The following HERC3 variants were observed in gnomAD, a reference collection of about 807,000 sequenced individuals.
The protein encoded by HERC3 is probable E3 ubiquitin-protein ligase HERC3.
Under a neutral mutation model 129.9 loss-of-function variants are expected in HERC3, and 58 were observed. The observed-to-expected ratio is 0.45, with a 90% CI of 0.36 to 0.56. HERC3 has a LOEUF of 0.56. HERC3 is among the 20% of genes least tolerant of loss of function. HERC3 has a pLI of 0.00. For synonymous variants in HERC3, 430 were observed against 451.0 expected, an observed-to-expected ratio of 0.95 and a Z score of 0.59; for missense variants, 835 against 1,244.2, an observed-to-expected ratio of 0.67 and a Z score of 4.95.
At chr4:88,635,901 G>A (rs546612499) in intron 3 of HERC3, among the ~76,000 whole-genome samples, 1 of 152,144 alleles carries the variant, frequency 6.6e-6, no homozygotes, top group Non-Finnish European at 1.5e-5. Flanking sequence ...GCCAAATTAA[G>A]CTTCATAAGC....
intron 23 of HERC3, chr4:88,697,662 A>T (rs752241773): frequency 6.2e-6 from 10 of 1,612,674 alleles, no homozygotes; most frequent in Non-Finnish European, 8.5e-6. Flanking sequence ...CACCCTGCGC[A>T]CCGCCTTCCG....
At chr4:88,577,626 G>GTGTATATATATATATATATATATATATA in the HERC3 span, among the ~76,000 whole-genome samples, 1 of 99,142 alleles carries the variant, frequency 1.0e-5, no homozygotes, top group Admixed American at 8.7e-5. Context: ...TAATAGGTTT[G>GTGTATATATATATATATATATATATATA]TAATACCAAA....
chr4:88,624,882 A>C (rs1158412356), intron 3 of HERC3, among the ~76,000 whole-genome samples: 1 of 152,164 alleles, frequency 6.6e-6, no homozygotes, highest in African/African-American at 2.4e-5. Context: ...TTTTATATGT[A>C]GGTGATATAA....
chr4:88,524,595 T>C, the HERC3 span, among the ~76,000 whole-genome samples: 1 of 152,244 alleles, frequency 6.6e-6, no homozygotes, highest in African/African-American at 2.4e-5. Context: ...TGGATGACTT[T>C]GGCAAATGAC....
chr4:88,625,905 G>T (rs1409109904), intron 3 of HERC3, among the ~76,000 whole-genome samples: 1 of 151,894 alleles, frequency 6.6e-6, no homozygotes, highest in Non-Finnish European at 1.5e-5. Context: ...TGCAGTGATT[G>T]TGTGGCTTTT....
chr4:88,556,440 A>G, the HERC3 span, among the ~76,000 whole-genome samples: 1 of 152,214 alleles, frequency 6.6e-6, no homozygotes, highest in African/African-American at 2.4e-5. Flanking sequence ...GGTTGAAACA[A>G]ACCCATTTAA....
At chr4:88,526,151 G>A in the HERC3 span, among the ~76,000 whole-genome samples, 2 of 152,218 alleles carry the variant, frequency 1.3e-5, no homozygotes, top group African/African-American at 4.8e-5. Context: ...TTATTATGGT[G>A]AAACTAGTAA....
At chr4:88,674,509 A>G (rs1160575212) in intron 16 of HERC3, among the ~76,000 whole-genome samples, 2 of 152,188 alleles carry the variant, frequency 1.3e-5, no homozygotes, top group Non-Finnish European at 2.9e-5. Flanking sequence ...TTTTCCCTTG[A>G]GAATAGGCAG....
intron 23 of HERC3, among the ~76,000 whole-genome samples, chr4:88,700,259 A>G (rs1005986469): frequency 6.6e-6 from 1 of 152,038 alleles, no homozygotes; most frequent in Non-Finnish European, 1.5e-5. Flanking sequence ...TCATTCATCT[A>G]CAGGTTTCTC....
At chr4:88,588,366 A>G (rs1173319180), upstream of HERC3, among the ~76,000 whole-genome samples, 2 of 152,226 alleles carry the variant, frequency 1.3e-5, no homozygotes, top group Non-Finnish European at 2.9e-5. Flanking sequence ...GCTGTGTGTT[A>G]CAGGACAGTT....
intron 23 of HERC3, among the ~76,000 whole-genome samples, chr4:88,702,085 C>T (rs558825814): frequency 6.6e-6 from 1 of 152,310 alleles, no homozygotes; most frequent in Admixed American, 6.5e-5. Context: ...TGAGCCACTG[C>T]ACCTGGCTAG....
Position 88,707,182 on chromosome 4 carries a change from G to A in HERC3, c.*222G>A. 1 of 546,940 alleles carries A rather than the reference G, an allele frequency of 1.8e-6. No homozygotes were observed. The highest frequency in any genetic ancestry group is 3.3e-6 in the Non-Finnish European group (1 of 306,480). The allele number at this position is 546,940 out of a possible 1,614,324, so 33.9% of individuals were successfully genotyped here. On this transcript the variant is annotated 3_prime_UTR_variant, in exon 26 of 26. Coordinates refer to ENST00000402738, the MANE Select transcript of HERC3 (RefSeq NM_014606.3). ...GGGTGAAAAATTGGCCCTTGTATGG[G>A]AGGTGTTTTTGTTTTTGTTTTAAAC...
At chr4:88,608,596 T>C (rs1266795021) in intron 3 of HERC3, among the ~76,000 whole-genome samples, 1 of 152,258 alleles carries the variant, frequency 6.6e-6, no homozygotes, top group African/African-American at 2.4e-5. Context: ...AGGTATCATA[T>C]ACAACTACCA....
At chr4:88,704,473 A>G (rs778548888) in intron 24 of HERC3, 35 bp from the exon 25 acceptor site, 50 of 1,422,076 alleles carry the variant, frequency 3.5e-5, no homozygotes, top group Non-Finnish European at 4.7e-5. Context: ...TATTCTTCCA[A>G]GATACATTTT....
the HERC3 span, among the ~76,000 whole-genome samples, chr4:88,586,968 C>G: frequency 6.6e-6 from 1 of 152,098 alleles, no homozygotes; most frequent in Non-Finnish European, 1.5e-5. Context: ...ACATTTTGCT[C>G]TAGGCTTTCG....
rs146648101 is a variant in HERC3 at position 88,698,186 on chromosome 4, C to T, written c.2658-5912C>T. ...CTACAAATGCCAGTGCATATGTCTT[C>T]GCTTTCCTCTGCATCTCTCTCCATA... On this transcript the variant is annotated intron_variant, in intron 23 of 25. Coordinates refer to ENST00000402738, the MANE Select transcript of HERC3 (RefSeq NM_014606.3). Among the ~76,000 whole-genome samples, 13 of 152,306 alleles carry T rather than the reference C, an allele frequency of 8.5e-5. No homozygotes were observed. In the East Asian group the frequency reaches 2.1e-3, roughly 25 times the overall value.
Position 88,662,517 on chromosome 4 carries a change from A to G in HERC3, c.1233A>G (p.Arg411=). ...LINDETIAVW[R]QKLSEHNNAN... is the part of the protein sequence containing the mutation. Reference sequence around the variant, plus strand: ...ATGATGAAACCATAGCAGTTTGGAGACAAAAACTCTCAGAACACAACAATG... The same window carrying G: ...ATGATGAAACCATAGCAGTTTGGAGGCAAAAACTCTCAGAACACAACAATG... The change falls in exon 11 of 26, where the codon AGA becomes AGG. Residue 411 remains arginine (R), a synonymous_variant. Transcript: ENST00000402738. 6.2e-7 allele frequency: 1 copy of G among 1,613,722 alleles called. No homozygotes were observed. The highest frequency in any genetic ancestry group is 8.5e-7 in the Non-Finnish European group (1 of 1,179,784).
At chr4:88,580,899 C>T in the HERC3 span, among the ~76,000 whole-genome samples, 29 of 152,216 alleles carry the variant, frequency 1.9e-4, no homozygotes, top group East Asian at 1.9e-3. Flanking sequence ...CGTCCCTAAA[C>T]GCAGAGAATC....
chr4:88,603,497 A>G (rs1048366894), intron 2 of HERC3, among the ~76,000 whole-genome samples: 2 of 152,208 alleles, frequency 1.3e-5, no homozygotes, highest in South Asian at 2.1e-4. Context: ...GTGAGCCACC[A>G]TGCCCGGCCA....
Sources: allele counts gnomAD v4.1 joint callset (sites outside exome capture counted in the v4.1 genomes callset), GRCh38; gene constraint gnomAD v4.1.1; transcripts MANE v1.5; gene names NCBI Gene and HGNC (gene_info 2026-07-23, HGNC 2026-07-21).